The following SKAP1 variants were observed in gnomAD, a reference collection of about 807,000 sequenced individuals.
The protein encoded by SKAP1 is src kinase associated phosphoprotein 1.
Under a neutral mutation model 58.5 loss-of-function variants are expected in SKAP1, and 44 were observed. That is an observed-to-expected ratio of 0.75 (90% CI 0.59 to 0.97). SKAP1 has a LOEUF of 0.97. Ranked by LOEUF, SKAP1 falls within the 50% of genes least tolerant of loss-of-function variation. The pLI is 0.00. For missense variants in SKAP1, 390 were observed against 435.2 expected, an observed-to-expected ratio of 0.90 and a Z score of 0.92; for synonymous variants, 127 against 149.7, an observed-to-expected ratio of 0.85 and a Z score of 1.11.
chr17:48,134,353 C>T (rs2063673031), intron 12 of SKAP1, among the ~76,000 whole-genome samples: 1 of 152,122 alleles, frequency 6.6e-6, no homozygotes, highest in African/African-American at 2.4e-5. Flanking sequence ...GAGTCTTGCT[C>T]TGTTGCCCAG....
intron 1 of SKAP1, among the ~76,000 whole-genome samples, chr17:48,401,254 C>T (rs560938152): frequency 1.4e-3 from 213 of 151,340 alleles, no homozygotes; most frequent in Non-Finnish European, 1.6e-3. Flanking sequence ...TGCAGTGAGC[C>T]GAGATCATGC....
chr17:48,241,842 A>G (rs1480664982), intron 4 of SKAP1, among the ~76,000 whole-genome samples: 2 of 152,110 alleles, frequency 1.3e-5, no homozygotes, highest in South Asian at 2.1e-4. Context: ...AGTTTTTTCC[A>G]TTTTTAGTTA....
Position 48,208,443 on chromosome 17 carries a change from G to A in SKAP1, c.281-18943C>T, listed in dbSNP as rs1409696369. On this transcript the variant is annotated intron_variant, in intron 4 of 12. Coordinates refer to ENST00000336915, the MANE Select transcript of SKAP1 (RefSeq NM_003726.4). The stretch of plus-strand genomic sequence containing the variant: ...GAAGACCCAAGTGTCAGTAGCTCAT[G>A]TGAAATGCTGGAAATATTAAATGAT... Among the ~76,000 whole-genome samples the A allele has an allele frequency of 2.0e-5, 3 of 152,318 alleles. No homozygotes were observed. The East Asian group carries it at 5.8e-4, about 29-fold the overall frequency.
At chr17:48,305,796 T>C (rs4274478) in intron 4 of SKAP1, among the ~76,000 whole-genome samples, 5,386 of 152,336 alleles carry the variant, frequency 0.035, 138 homozygotes, top group Non-Finnish European at 0.054. Flanking sequence ...CACAAGTTCA[T>C]AGAATTTGCT....
At chr17:48,335,208 C>T (rs893745533) in intron 4 of SKAP1, among the ~76,000 whole-genome samples, 3 of 151,634 alleles carry the variant, frequency 2.0e-5, no homozygotes, top group Non-Finnish European at 3.0e-5. Context: ...TAAATAGGAC[C>T]CCATATTTTC....
chr17:48,260,639 G>A (rs983452443), intron 4 of SKAP1, among the ~76,000 whole-genome samples: 6 of 152,132 alleles, frequency 3.9e-5, no homozygotes, highest in African/African-American at 1.4e-4. Flanking sequence ...GGGTGTGTGT[G>A]TGTATCAATA....
chr17:48,254,154 G>A (rs2065397780), intron 4 of SKAP1, among the ~76,000 whole-genome samples: 1 of 152,116 alleles, frequency 6.6e-6, no homozygotes, highest in South Asian at 2.1e-4. Flanking sequence ...TAGCTTCAGT[G>A]ATTTCAACTC....
At chr17:48,397,665 G>T (rs1000877554) in intron 1 of SKAP1, among the ~76,000 whole-genome samples, 2 of 152,088 alleles carry the variant, frequency 1.3e-5, no homozygotes, top group African/African-American at 4.8e-5. Flanking sequence ...GAACAAAAGG[G>T]CAGGCATTCA....
chr17:48,207,442 C>T (rs1032214560), intron 4 of SKAP1, among the ~76,000 whole-genome samples: 2 of 147,156 alleles, frequency 1.4e-5, no homozygotes, highest in Admixed American at 6.9e-5. Context: ...GCTGAGATTG[C>T]GCCACTACAC....
intron 2 of SKAP1, among the ~76,000 whole-genome samples, chr17:48,371,843 AAAAAG>A (rs1218937646): frequency 1.3e-5 from 2 of 151,584 alleles, no homozygotes; most frequent in Non-Finnish European, 2.9e-5. Context: ...TCTCAAAAAA[AAAAAG>A]AAAAGAAAAA....
At chr17:48,386,169 G>T (rs1391269852) in intron 2 of SKAP1, among the ~76,000 whole-genome samples, 1 of 152,110 alleles carries the variant, frequency 6.6e-6, no homozygotes, top group African/African-American at 2.4e-5. Flanking sequence ...CTACTAAATA[G>T]TAAGTTTCCT....
At chr17:48,141,074 A>G (rs1232925643) in intron 11 of SKAP1, among the ~76,000 whole-genome samples, 1 of 152,058 alleles carries the variant, frequency 6.6e-6, no homozygotes, top group Non-Finnish European at 1.5e-5. Context: ...GGTGTGAGCC[A>G]CTTCGCCCAG....
chr17:48,281,289 G>T lies in SKAP1; in HGVS notation c.280+64616C>A, dbSNP rs1426005920. Among the ~76,000 whole-genome samples, 4 of 152,172 alleles carry T rather than the reference G, an allele frequency of 2.6e-5. No homozygotes were observed. In the East Asian group the frequency reaches 7.7e-4, roughly 29 times the overall value. ...TCCACCCACCTCGGCCTCTCAAAGT[G>T]CTAGAATTACAGGCGTGAGTCACTG... On this transcript the variant is annotated intron_variant, in intron 4 of 12. Coordinates refer to ENST00000336915, the MANE Select transcript of SKAP1 (RefSeq NM_003726.4).
chr17:48,271,325 A>G (rs1045914285), intron 4 of SKAP1, among the ~76,000 whole-genome samples: 5 of 150,326 alleles, frequency 3.3e-5, no homozygotes, highest in Non-Finnish European at 5.9e-5. Flanking sequence ...CATTCAATAA[A>G]CCTGACAGTG....
chr17:48,146,118 C>T (rs1401822410), intron 11 of SKAP1, among the ~76,000 whole-genome samples: 1 of 152,122 alleles, frequency 6.6e-6, no homozygotes, highest in African/African-American at 2.4e-5. Context: ...ATACAATGGT[C>T]TTTATGGGCT....
At chr17:48,397,827 A>G (rs1383950447) in intron 1 of SKAP1, among the ~76,000 whole-genome samples, 8 of 152,182 alleles carry the variant, frequency 5.3e-5, no homozygotes, top group Non-Finnish European at 2.9e-5. Flanking sequence ...AGAAATACAT[A>G]ATATGAAACA....
intron 3 of SKAP1, among the ~76,000 whole-genome samples, chr17:48,349,458 T>C (rs2066767645): frequency 6.6e-6 from 1 of 152,210 alleles, no homozygotes. Flanking sequence ...TCAGAATCAA[T>C]ATATTTCTAT....
intron 2 of SKAP1, among the ~76,000 whole-genome samples, chr17:48,379,679 C>A (rs1000132306): frequency 7.8e-6 from 1 of 128,678 alleles, no homozygotes; most frequent in African/African-American, 3.3e-5. Flanking sequence ...AAAGTATCTT[C>A]TTCTTTTTTT....
chr17:48,171,861 G>A (rs1016695462), intron 9 of SKAP1, among the ~76,000 whole-genome samples: 2 of 152,038 alleles, frequency 1.3e-5, no homozygotes, highest in South Asian at 2.1e-4. Flanking sequence ...AGGAGTTGGA[G>A]ACCAGCCTGG....
Sources: allele counts gnomAD v4.1 joint callset (sites outside exome capture counted in the v4.1 genomes callset), GRCh38; gene constraint gnomAD v4.1.1; transcripts MANE v1.5; gene names NCBI Gene and HGNC (gene_info 2026-07-23, HGNC 2026-07-21).